OR10J1: variants seen among roughly 807,000 people sequenced by gnomAD.
OR10J1 encodes the protein olfactory receptor 10J1.
For synonymous variants in OR10J1, 202 were observed against 143.8 expected (o/e 1.40, Z -2.89); for missense variants, 474 against 376.6 (o/e 1.26, Z -2.14).
upstream of OR10J1, chr1:159,439,574 TATG>T: frequency 1.6e-6 from 1 of 623,274 alleles, no homozygotes; most frequent in Non-Finnish European, 2.8e-6. Flanking sequence ...TATATGATTC[TATG>T]ATGCATGGAA....
chr1:159,422,967 G>A, the OR10J1 span, among the ~76,000 whole-genome samples: 34 of 152,054 alleles, frequency 2.2e-4, no homozygotes, highest in Admixed American at 2.1e-3. Context: ...TTGAATTCTA[G>A]TGTTCTCAAA....
chr1:159,424,154 T>G, the OR10J1 span, among the ~76,000 whole-genome samples: 1 of 151,244 alleles, frequency 6.6e-6, no homozygotes, highest in Admixed American at 6.6e-5. Flanking sequence ...AGACGGAGGT[T>G]GTATTGAGCA....
the OR10J1 span, among the ~76,000 whole-genome samples, chr1:159,410,701 A>G: frequency 1.3e-4 from 19 of 149,340 alleles, no homozygotes; most frequent in African/African-American, 4.7e-4. Context: ...TATTTCCTTC[A>G]GTTCTGCTCT....
upstream of OR10J1, among the ~76,000 whole-genome samples, chr1:159,434,409 G>A (rs1354183906): frequency 1.3e-5 from 2 of 152,134 alleles, no homozygotes; most frequent in African/African-American, 2.4e-5. Context: ...GGAAGTTTAG[G>A]AATAGTGTAT....
upstream of OR10J1, among the ~76,000 whole-genome samples, chr1:159,435,899 G>C (rs1655723832): frequency 6.6e-6 from 1 of 152,064 alleles, no homozygotes; most frequent in Non-Finnish European, 1.5e-5. Flanking sequence ...TTTTCTTCTA[G>C]CATAAAATCC....
At chr1:159,401,711 A>G in the OR10J1 span, among the ~76,000 whole-genome samples, 4 of 152,016 alleles carry the variant, frequency 2.6e-5, no homozygotes, top group Non-Finnish European at 4.4e-5. Context: ...ATTCCAAAAC[A>G]TAGAAGAGGA....
upstream of OR10J1, among the ~76,000 whole-genome samples, chr1:159,434,082 T>C (rs1326671925): frequency 6.6e-6 from 1 of 152,224 alleles, no homozygotes; most frequent in Non-Finnish European, 1.5e-5. Context: ...TTTAAGTATG[T>C]TATTAATTTA....
chr1:159,414,363 CT>C, the OR10J1 span, among the ~76,000 whole-genome samples: 11 of 152,020 alleles, frequency 7.2e-5, no homozygotes, highest in Non-Finnish European at 1.2e-4. Flanking sequence ...CTTTTTGTGT[CT>C]GGCTTATTTC....
the OR10J1 span, among the ~76,000 whole-genome samples, chr1:159,425,259 A>T: frequency 6.6e-6 from 1 of 152,162 alleles, no homozygotes; most frequent in East Asian, 1.9e-4. Flanking sequence ...GGAAGCAGGG[A>T]AACTAACACA....
chr1:159,407,585 TTGGAAGCTAAAGACAAAGGACAGTAA>T, the OR10J1 span, among the ~76,000 whole-genome samples: 1 of 152,066 alleles, frequency 6.6e-6, no homozygotes, highest in African/African-American at 2.4e-5. Flanking sequence ...TTAGAAAGAA[TTGGAAGCTAAAGACAAAGGACAGTAA>T]TTACAGAAAC....
the OR10J1 span, among the ~76,000 whole-genome samples, chr1:159,415,201 G>C: frequency 6.6e-6 from 1 of 151,862 alleles, no homozygotes; most frequent in African/African-American, 2.4e-5. Context: ...TCATAGTTTT[G>C]GGTCTTACAT....
At chr1:159,424,865 AC>A in the OR10J1 span, among the ~76,000 whole-genome samples, 6 of 152,294 alleles carry the variant, frequency 3.9e-5, no homozygotes, top group African/African-American at 9.6e-5. Context: ...AGATTGAGTA[AC>A]TAACATAGCA....
chr1:159,411,318 A>G, the OR10J1 span, among the ~76,000 whole-genome samples: 2 of 151,950 alleles, frequency 1.3e-5, no homozygotes, highest in Admixed American at 6.6e-5. Context: ...TCCCATTTTT[A>G]TTGTGTGGGA....
At chr1:159,412,521 G>T in the OR10J1 span, among the ~76,000 whole-genome samples, 2 of 146,840 alleles carry the variant, frequency 1.4e-5, no homozygotes, top group Non-Finnish European at 3.0e-5. Flanking sequence ...AGAGCCCTCA[G>T]AAATAATGCC....
chr1:159,439,598 G>T, upstream of OR10J1: 4 of 670,016 alleles, frequency 6.0e-6, no homozygotes, highest in South Asian at 7.9e-5. Context: ...AATTATAACA[G>T]ATGGTCACAG....
the OR10J1 span, among the ~76,000 whole-genome samples, chr1:159,424,989 C>T: frequency 1.3e-5 from 2 of 152,206 alleles, no homozygotes; most frequent in Non-Finnish European, 2.9e-5. Context: ...GAGAAAAACA[C>T]ATCGTGTTAA....
chr1:159,436,670 A>T (rs531895303), upstream of OR10J1, among the ~76,000 whole-genome samples: 22 of 105,756 alleles, frequency 2.1e-4, no homozygotes, highest in East Asian at 1.1e-3. Flanking sequence ...TAGCGGTTTT[A>T]AAAAAAAAAA....
chr1:159,433,452 C>T (rs1381402732), upstream of OR10J1, among the ~76,000 whole-genome samples: 1 of 152,044 alleles, frequency 6.6e-6, no homozygotes, highest in Non-Finnish European at 1.5e-5. Flanking sequence ...TGTAAACCAG[C>T]AGGGAGAATA....
chr1:159,433,276 G>T, upstream of OR10J1: 1 of 396,488 alleles, frequency 2.5e-6, no homozygotes, highest in Non-Finnish European at 4.4e-6. Context: ...TCCCCTCATA[G>T]ATTGAAAAAA....
Sources: gnomAD v4.1 joint callset for allele counts (sites outside exome capture counted in the v4.1 genomes callset) on GRCh38, gnomAD v4.1.1 for gene constraint, MANE v1.5 for transcripts, NCBI Gene and HGNC (gene_info 2026-07-23, HGNC 2026-07-21) for gene names.